The following PCSK7 variants were observed in gnomAD, a reference collection of about 807,000 sequenced individuals.
PCSK7 encodes the protein lymphoma proprotein convertase.
A neutral mutation model predicts 73.3 loss-of-function variants in PCSK7; 38 were observed. That is an observed-to-expected ratio of 0.52 (90% CI 0.40 to 0.68). PCSK7 has a LOEUF of 0.68. Among genes scored for constraint, PCSK7 ranks in the 30% least tolerant of loss-of-function variants. The probability of loss-of-function intolerance (pLI) is 0.00; values close to 1 mark genes in which losing one functional copy is unlikely to be tolerated. For synonymous variants in PCSK7, 296 were observed against 383.8 expected (o/e 0.77, Z 2.68); for missense variants, 692 against 991.5 (o/e 0.70, Z 4.06).
chr11:117,215,401 TA>T (rs2031936929), intron 12 of PCSK7: 2 of 78,592 alleles, frequency 2.5e-5, no homozygotes, highest in Non-Finnish European at 4.1e-5. Context: ...TATATATATA[TA>T]TATACTTTTT....
chr11:117,215,235 A>T (rs1011956567), intron 12 of PCSK7: 2 of 151,366 alleles, frequency 1.3e-5, no homozygotes, highest in African/African-American at 4.9e-5. Context: ...TTGCTCTGTC[A>T]TCCAGGCTGG....
At chr11:117,206,898 C>A in intron 15 of PCSK7, 100 bp from the exon 16 acceptor site, 1 of 721,488 alleles carries the variant, frequency 1.4e-6, no homozygotes, top group Non-Finnish European at 2.6e-6. Flanking sequence ...ACAGGGAAGC[C>A]CCACAGCAAA....
Position 117,204,523 on chromosome 11 carries a change from T to G in PCSK7, c.*1474A>C. The G allele has an allele frequency of 2.7e-6, 3 of 1,103,716 alleles. No individual in the cohort carries two copies. The highest frequency in any genetic ancestry group is 4.0e-6 in the Non-Finnish European group (3 of 750,070). The allele number at this position is 1,103,716 out of a possible 1,614,324, so 68.4% of individuals were successfully genotyped here. A position where few individuals can be genotyped will look rare whatever the true frequency, so the allele number is the denominator to read the frequency against. ...ACTGCACCTGGGCAGCTCCTCCCTG[T>G]GCCCCCAGCCTCAGCCCAACTTCTT... On this transcript the variant is annotated 3_prime_UTR_variant, in exon 17 of 17. Coordinates refer to ENST00000320934, the MANE Select transcript of PCSK7 (RefSeq NM_004716.4).
In PCSK7 at chr11:117,224,670, G is replaced by A. The variant is rs139280649; in HGVS notation, c.915+31C>T. The A allele has an allele frequency of 1.2e-4, 182 of 1,582,142 alleles. 2 individuals are homozygous for A. In the African/African-American group the frequency reaches 1.7e-3, roughly 15 times the overall value. On this transcript the variant is annotated intron_variant, in intron 7 of 16. Coordinates refer to ENST00000320934, the MANE Select transcript of PCSK7 (RefSeq NM_004716.4). ...CGGGACTGTATGAAGAGGGCATCCC[G>A]TTTCTCAGAGTCTTTGTGCAGGCCA...
chr11:117,217,217 G>C (rs902353678), intron 12 of PCSK7: 2 of 152,306 alleles, frequency 1.3e-5, no homozygotes, highest in Middle Eastern at 3.4e-3. Flanking sequence ...AACGTCCCCT[G>C]GTCAGCAGGA....
intron 9 of PCSK7, chr11:117,221,275 G>C (rs1285471676): frequency 2.0e-5 from 3 of 152,274 alleles, no homozygotes; most frequent in African/African-American, 7.2e-5. Context: ...AAAAAAAAGG[G>C]AAAAGCACTC....
intron 9 of PCSK7, chr11:117,222,238 C>T (rs1394807989): frequency 2.0e-5 from 3 of 152,234 alleles, no homozygotes; most frequent in African/African-American, 7.2e-5. Context: ...CTGCCTTAAA[C>T]CTGCTGGGAT....
intron 5 of PCSK7, chr11:117,226,239 C>A (rs549039521): frequency 1.8e-6 from 1 of 550,706 alleles, no homozygotes; most frequent in Non-Finnish European, 3.3e-6. Flanking sequence ...TGGGTTCAAG[C>A]GATTGTCTTG....
intron 12 of PCSK7, chr11:117,213,636 TAGAATCCCAAAAGGAAA>T (rs1433807276): frequency 4.6e-5 from 7 of 152,172 alleles, no homozygotes; most frequent in African/African-American, 1.2e-4. Context: ...TGGAACAGAA[TAGAATCCCAAAAGGAAA>T]AGAATCCCAA....
chr11:117,217,448 T>C (rs933758085), intron 12 of PCSK7: 1 of 152,252 alleles, frequency 6.6e-6, no homozygotes, highest in Non-Finnish European at 1.5e-5. Flanking sequence ...CTTTCCAAGA[T>C]AACATTCCTT....
At chr11:117,223,701 A>C (rs1238500848) in intron 8 of PCSK7, 12 of 344,440 alleles carry the variant, frequency 3.5e-5, no homozygotes, top group Admixed American at 8.7e-5. Flanking sequence ...GTCAGGTAGA[A>C]GTCAGGTAAG....
Position 117,218,912 on chromosome 11 carries a change from G to A in PCSK7, c.1431+145C>T, listed in dbSNP as rs236916. On this transcript the variant is annotated intron_variant, in intron 11 of 16. Transcript: ENST00000320934. The surrounding 1 kb of genome is among the most constrained non-coding windows in gnomAD (Gnocchi z 4.0). ...TTTCTCATTTGTAAAATGGATATCAGCTGGGATGAAGGTTGAAGTTGTTAA... is the reference window on the plus strand; with the variant it reads ...TTTCTCATTTGTAAAATGGATATCAACTGGGATGAAGGTTGAAGTTGTTAA... The A allele has an allele frequency of 0.2, 117,317 of 599,598 alleles. 15,525 individuals carry two copies. Among genetic ancestry groups the A allele is most frequent in the East Asian group, 0.49 (17,585 of 35,962 alleles). The allele number at this position is 599,598 out of a possible 1,614,324, so 37.1% of individuals were successfully genotyped here. A position where few individuals can be genotyped will look rare whatever the true frequency, so the allele number is the denominator to read the frequency against.
chr11:117,204,417 C>A lies in PCSK7; in HGVS notation c.*1580G>T, dbSNP rs1279239801. ...CCCCAGCTCCTTGGCTGCAGCCATC[C>A]CGCTTAGCCTGCCTCACCCACACCC... On this transcript the variant is annotated 3_prime_UTR_variant, in exon 17 of 17. Coordinates refer to ENST00000320934, the MANE Select transcript of PCSK7 (RefSeq NM_004716.4). The A allele has an allele frequency of 1.2e-6, 2 of 1,611,524 alleles. No individual in the cohort carries two copies. Among genetic ancestry groups the A allele is most frequent in the Non-Finnish European group, 1.7e-6 (2 of 1,178,498 alleles).
chr11:117,230,143 A>T (rs781325752), intron 2 of PCSK7: 1 of 361,810 alleles, frequency 2.8e-6, no homozygotes, highest in Non-Finnish European at 5.0e-6. Flanking sequence ...CCAGTTGCTC[A>T]CAGGCACTGC....
At chr11:117,212,117 G>C (rs566379411) in intron 12 of PCSK7, 1 of 151,632 alleles carries the variant, frequency 6.6e-6, no homozygotes, top group East Asian at 1.9e-4. Flanking sequence ...ATGTAAGTTG[G>C]TGCTACAGTG....
chr11:117,227,182 G>A lies in PCSK7; in HGVS notation c.744C>T (p.Gly248=), dbSNP rs138324399. 66 of 1,608,480 alleles carry A rather than the reference G, an allele frequency of 4.1e-5. No homozygotes were observed. The highest frequency in any genetic ancestry group is 5.4e-5 in the African/African-American group (4 of 74,650). The change falls in exon 5 of 17, where the codon GGC becomes GGT. Residue 248 remains glycine (G), a synonymous_variant. Coordinates refer to ENST00000320934, the MANE Select transcript of PCSK7 (RefSeq NM_004716.4). The part of the protein sequence containing the change: ...AVPNNSFCAV[G]VAYGSRIAGI... ...CTGCGATGCGGCTCCCGTAGGCCAC[G>A]CCCACGGCACAGAAGCTGTTGTTGG...
chr11:117,222,981 T>C, intron 9 of PCSK7: 1 of 534,954 alleles, frequency 1.9e-6, no homozygotes. Context: ...ATATGTATAT[T>C]CGTCCTAAAT....
rs376606079 is a variant in PCSK7 at position 117,219,082 on chromosome 11, G to A, written c.1406C>T (p.Ala469Val). ...SHQHGFGLLN[A>V]WRLVNAAKIW... ...CTTGGCTGCATTCACGAGCCTCCAG[G>A]CGTTGAGGAGGCCGAAACCGTGCTG... The change falls in exon 11 of 17, where the codon GCC becomes GTC. Residue 469 changes from alanine to valine, a missense_variant. This residue lies in a region of PCSK7 where 574 missense variants were observed against 689.8 expected (regional missense o/e 0.83). Transcript: ENST00000320934. 3 of 1,609,560 alleles carry A rather than the reference G, an allele frequency of 1.9e-6. No individual in the cohort carries two copies.
intron 12 of PCSK7, chr11:117,215,374 G>GTATATATATATA: frequency 1.7e-5 from 1 of 59,838 alleles, no homozygotes; most frequent in South Asian, 9.8e-4. Flanking sequence ...TTGTGTGTGT[G>GTATATATATATA]TGTGTGTATA....
Sources: gnomAD v4.1 joint callset for allele counts on GRCh38, gnomAD v4.1.1 for gene constraint, gnomAD v4.1.1 regional missense constraint, Gnocchi (gnomAD v3.1) non-coding constraint, MANE v1.5 for transcripts, NCBI Gene and HGNC (gene_info 2026-07-23, HGNC 2026-07-21) for gene names.